The following DLL1 variants were observed in gnomAD, a reference collection of about 807,000 sequenced individuals.
DLL1 encodes the protein delta-like protein 1.
Under a neutral mutation model 75.1 loss-of-function variants are expected in DLL1, and 9 were observed. That is an observed-to-expected ratio of 0.12 (90% CI 0.07 to 0.21). DLL1 has a LOEUF of 0.21. Among genes scored for constraint, DLL1 ranks in the 10% least tolerant of loss-of-function variants. The pLI, the probability that DLL1 is intolerant of heterozygous loss-of-function variation, is 1.00. For missense variants in DLL1, 837 were observed against 1,007.6 expected, an observed-to-expected ratio of 0.83 and a Z score of 2.29; for synonymous variants, 477 against 418.3, an observed-to-expected ratio of 1.14 and a Z score of -1.71.
Position 170,290,905 on chromosome 6 carries a change from T to C in DLL1, c.-766A>G. On this transcript the variant is annotated 5_prime_UTR_variant, in exon 1 of 11. Coordinates refer to ENST00000366756, the MANE Select transcript of DLL1 (RefSeq NM_005618.4). This position sits in a 1 kb window ranked among gnomAD's most constrained non-coding sequence, Gnocchi z 4.7. ...GCTCTGCCCTCGGCCGGGTCGGGTC[T>C]CCGCGGGTGCGCGCAGAGGATCTGG... 4.3e-6 allele frequency: 3 copies of C among 693,936 alleles called. No homozygotes were observed. The highest frequency in any genetic ancestry group is 7.9e-6 in the Non-Finnish European group (3 of 380,544). 43.0% of individuals were successfully genotyped at this position (693,936 alleles called of 1,614,324 possible).
chr6:170,286,794 C>G (rs1461529315), intron 4 of DLL1, among the ~76,000 whole-genome samples: 1 of 147,610 alleles, frequency 6.8e-6, no homozygotes, highest in Non-Finnish European at 1.5e-5. Flanking sequence ...ACACACACCC[C>G]TCGCGTGTAC....
At chr6:170,289,359 T>C (rs1408774367) in intron 2 of DLL1, 153 bp downstream of exon 2, 2 of 1,266,408 alleles carry the variant, frequency 1.6e-6, no homozygotes, top group Non-Finnish European at 2.2e-6. Flanking sequence ...TGGGCTGGAG[T>C]CCTGGGGCCG....
At position 170,283,108 on chromosome 6, in the gene DLL1, A is replaced by G. The variant is rs768758068; in HGVS notation, c.2049-3T>C. 5.0e-6 allele frequency: 8 copies of G among 1,613,904 alleles called. No individual in the cohort carries two copies. The highest frequency in any genetic ancestry group is 6.8e-6 in the Non-Finnish European group (8 of 1,179,938). On this transcript the variant is annotated splice_region_variant and splice_polypyrimidine_tract_variant and intron_variant, in intron 9 of 10. Transcript: ENST00000366756. ...TTTTTCTTTCAGATGCTTCTCCACT[A>G]AAAGGAAAATAGAGAAAATCCACAA...
intron 2 of DLL1, chr6:170,289,044 T>C (rs1783775209): frequency 1.3e-5 from 8 of 606,132 alleles, no homozygotes; most frequent in Non-Finnish European, 2.0e-5. Flanking sequence ...GTTGTTTTTT[T>C]AATTAGAGAG....
rs371424957 is a variant in DLL1, at chr6:170,283,401, G to C, written c.1878C>G (p.Ser626Arg). 6.2e-7 allele frequency: 1 copy of C among 1,610,242 alleles called. No homozygotes were observed. Among genetic ancestry groups the C allele is most frequent in the Non-Finnish European group, 8.5e-7 (1 of 1,179,190 alleles). Residue 626 changes from serine (S) to arginine (R), a missense_variant, in exon 9 of 11, where the codon AGC becomes AGG. By Grantham distance (110) the Ser-to-Arg change is moderately radical (BLOSUM62 -1). This residue lies in a region of DLL1 where 533 missense variants were observed against 545.7 expected (regional missense o/e 0.98). Coordinates refer to ENST00000366756, the MANE Select transcript of DLL1 (RefSeq NM_005618.4). The stretch of plus-strand genomic sequence containing the variant: ...GGGCCTTGAAGCCATTCTTGTCGGC[G>C]CTGTGGTCCCCGTGGAAGTCCGCCT... ...NKKADFHGDH[S>R]ADKNGFKARY...
At chr6:170,286,866 C>A (rs964662535) in intron 4 of DLL1, among the ~76,000 whole-genome samples, 14 of 152,208 alleles carry the variant, frequency 9.2e-5, no homozygotes, top group African/African-American at 3.1e-4. Context: ...CGGCGGGTGT[C>A]CCTGCGCCTA....
chr6:170,289,665 G>A lies in DLL1; in HGVS notation c.198C>T (p.His66=). 1 of 1,543,262 alleles carries A rather than the reference G, an allele frequency of 6.5e-7. No individual in the cohort carries two copies. Among genetic ancestry groups the A allele is most frequent in the Non-Finnish European group, 8.7e-7 (1 of 1,146,494 alleles). ...GCTCGGGGGACACGCTGGCCTGGTAGTGCTTGAGGCACACGCGGAAGAAGG... is the reference window on the plus strand; with the variant it reads ...GCTCGGGGGACACGCTGGCCTGGTAATGCTTGAGGCACACGCGGAAGAAGG... ...CRTFFRVCLK[H]YQASVSPEPP... The change falls in exon 2 of 11, where the codon CAC becomes CAT. Residue 66 remains histidine, a synonymous_variant. Transcript: ENST00000366756.
rs746754261 is a variant in DLL1 at position 170,285,288 on chromosome 6, T to A, written c.998A>T (p.Asp333Val). 5.0e-6 allele frequency: 8 copies of A among 1,613,856 alleles called. No individual in the cohort carries two copies. The highest frequency in any genetic ancestry group is 6.8e-6 in the Non-Finnish European group (8 of 1,180,006). Residue 333 changes from aspartate (D) to valine (V), a missense_variant, in exon 7 of 11, where the codon GAC becomes GTC. Asp to Val is a radical substitution (Grantham distance 152). Around this residue, in one of 2 missense-constraint regions of DLL1, gnomAD observed 304 missense variants for 461.9 expected, o/e 0.66. Transcript: ENST00000366756. ...ATCELGIDEC[D>V]PSPCKNGGSC... is the part of the protein sequence containing the mutation. Reference sequence around the variant, plus strand: ...CCCTCCGTTCTTACAAGGGCTGGGGTCACACTCGTCAATCCCCAGCTCGCA... The same window carrying A: ...CCCTCCGTTCTTACAAGGGCTGGGGACACACTCGTCAATCCCCAGCTCGCA...
In DLL1 at chr6:170,290,392, G is replaced by A; in HGVS notation, c.-253C>T. 1 of 425,270 alleles carries A rather than the reference G, an allele frequency of 2.4e-6. No homozygotes were observed. The highest frequency in any genetic ancestry group is 4.1e-6 in the Non-Finnish European group (1 of 243,426). The allele number at this position is 425,270 out of a possible 1,614,324, so 26.3% of individuals were successfully genotyped here. A position where few individuals can be genotyped will look rare whatever the true frequency, so the allele number is the denominator to read the frequency against. ...ATGCCCGAGGAAAGGCAGCTCTCGGGGGACAGCGCGGCGGCGGCGACTTTC... is the reference window on the plus strand; with the variant it reads ...ATGCCCGAGGAAAGGCAGCTCTCGGAGGACAGCGCGGCGGCGGCGACTTTC... On this transcript the variant is annotated 5_prime_UTR_variant, in exon 1 of 11. Transcript: ENST00000366756. The surrounding 1 kb of genome is among the most constrained non-coding windows in gnomAD (Gnocchi z 4.7).
intron 1 of DLL1, 49 bp from the exon 2 acceptor site, chr6:170,289,857 A>AG: frequency 6.5e-7 from 1 of 1,528,096 alleles, no homozygotes; most frequent in Non-Finnish European, 8.8e-7. Context: ...CGCCCGAGCT[A>AG]GGGGGCGTGA....
chr6:170,290,221 C>A lies in DLL1; in HGVS notation c.-82G>T. On this transcript the variant is annotated 5_prime_UTR_variant, in exon 1 of 11. Coordinates refer to ENST00000366756, the MANE Select transcript of DLL1 (RefSeq NM_005618.4). The surrounding 1 kb of genome is among the most constrained non-coding windows in gnomAD (Gnocchi z 4.7). Reference sequence around the variant, plus strand: ...GGCGGACGCGCGGGGGATCGATGGGCCACGGGGAGCGTGGGCAGAAAAGCG... The same window carrying A: ...GGCGGACGCGCGGGGGATCGATGGGACACGGGGAGCGTGGGCAGAAAAGCG... 6.5e-7 allele frequency: 1 copy of A among 1,527,580 alleles called. No homozygotes were observed. The allele number at this position is 1,527,580 out of a possible 1,614,324, so 94.6% of individuals were successfully genotyped here.
At position 170,290,450 on chromosome 6, in the gene DLL1, T is replaced by C. The variant is rs1235472876; in HGVS notation, c.-311A>G. The stretch of plus-strand genomic sequence containing the variant: ...TCCTTCCTCCCAGCCCCCGAGGAGG[T>C]GAGGGTCGCCGGCTTCCTGGTTTTG... On this transcript the variant is annotated 5_prime_UTR_variant, in exon 1 of 11. Transcript: ENST00000366756. The surrounding 1 kb of genome is among the most constrained non-coding windows in gnomAD (Gnocchi z 4.7). 2.2e-5 allele frequency: 8 copies of C among 358,374 alleles called. No individual in the cohort carries two copies. The Admixed American group carries it at 2.9e-4, about 13-fold the overall frequency. 22.2% of individuals were successfully genotyped at this position (358,374 alleles called of 1,614,324 possible). A position where few individuals can be genotyped will look rare whatever the true frequency, so the allele number is the denominator to read the frequency against.
Position 170,285,124 on chromosome 6 carries a change from G to T in DLL1, c.1044C>A (p.Asn348Lys), listed in dbSNP as rs1783668155. ...CGGGTGGGCAGGTACAGGAGTAGCT[G>T]TTCTCGAGATCCTACACGATGGAGA... is the stretch of plus-strand genomic sequence containing the variant. ...KNGGSCTDLE[N>K]SYSCTCPPGF... The change falls in exon 8 of 11, where the codon AAC (asparagine) becomes AAA (lysine). Residue 348 changes from asparagine (N) to lysine (K), a missense_variant. Transcript: ENST00000366756. 1 of 1,613,836 alleles carries T rather than the reference G, an allele frequency of 6.2e-7. No individual in the cohort carries two copies. Among genetic ancestry groups the T allele is most frequent in the Admixed American group, 1.7e-5 (1 of 60,006 alleles).
chr6:170,289,841 G>A, intron 1 of DLL1, 33 bp from the exon 2 acceptor site: 4 of 1,545,720 alleles, frequency 2.6e-6, no homozygotes, highest in Non-Finnish European at 3.5e-6. Context: ...GTGAGGACGC[G>A]GGTCCCGCCC....
At chr6:170,286,057 C>T (rs1302147970) in intron 5 of DLL1, among the ~76,000 whole-genome samples, 181 bp downstream of exon 5, 1 of 152,244 alleles carries the variant, frequency 6.6e-6, no homozygotes, top group East Asian at 1.9e-4. Context: ...AATGACAACT[C>T]CATGACCTTA....
At chr6:170,282,926 C>T (rs368136546) in intron 10 of DLL1, 47 bp from the exon 11 acceptor site, 18 of 1,614,112 alleles carry the variant, frequency 1.1e-5, no homozygotes, top group African/African-American at 6.7e-5. Context: ...GACCGATTCC[C>T]GTGCTCCAGC....
rs1486331219 is a variant in DLL1 at position 170,283,502 on chromosome 6, G to A, written c.1777C>T (p.Leu593=). ...CRGETETMNN[L]ANCQREKDIS... is the part of the protein sequence containing the mutation. Reference sequence around the variant, plus strand: ...TCCTTCTCACGCTGGCAGTTGGCCAGGTTGTTCATGGTCTCCGTCTCCCCC... The same window carrying A: ...TCCTTCTCACGCTGGCAGTTGGCCAAGTTGTTCATGGTCTCCGTCTCCCCC... The change falls in exon 9 of 11, where the codon CTG becomes TTG. Residue 593 remains leucine (L), a synonymous_variant. Transcript: ENST00000366756. 3 of 1,613,724 alleles carry A rather than the reference G, an allele frequency of 1.9e-6. No individual in the cohort carries two copies. In the East Asian group the frequency reaches 6.7e-5, roughly 36 times the overall value.
In DLL1 at chr6:170,283,991, G is replaced by T; in HGVS notation, c.1288C>A (p.Arg430Ser). The change falls in exon 9 of 11, where the codon CGC becomes AGC. Residue 430 changes from arginine (R) to serine (S), a missense_variant. This residue lies in a region of DLL1 where 533 missense variants were observed against 545.7 expected (regional missense o/e 0.98). Transcript: ENST00000366756. The part of the protein sequence containing the change: ...CVDLGDAYLC[R>S]CQAGFSGRHC... ...CTCCCCGAGAAGCCGGCCTGGCAGC[G>T]GCACAGGTAGGCATCACCGAGGTCC... 2 of 1,576,534 alleles carry T rather than the reference G, an allele frequency of 1.3e-6. No homozygotes were observed. Among genetic ancestry groups the T allele is most frequent in the Non-Finnish European group, 1.7e-6 (2 of 1,167,754 alleles).
At position 170,290,758 on chromosome 6, in the gene DLL1, C is replaced by T. The variant is rs368162978; in HGVS notation, c.-619G>A. On this transcript the variant is annotated 5_prime_UTR_variant, in exon 1 of 11. Transcript: ENST00000366756. This position sits in a 1 kb window ranked among gnomAD's most constrained non-coding sequence, Gnocchi z 4.7. ...CACTCCGGGCTCCGATCTCCGGTGT[C>T]ACAGCAAAGATCCGCGTCTTTCCGA... 39 of 473,230 alleles carry T rather than the reference C, an allele frequency of 8.2e-5. No homozygotes were observed. The East Asian group carries it at 8.9e-4, about 11-fold the overall frequency. 29.3% of individuals were successfully genotyped at this position (473,230 alleles called of 1,614,324 possible). A position where few individuals can be genotyped will look rare whatever the true frequency, so the allele number is the denominator to read the frequency against.
Sources: allele counts gnomAD v4.1 joint callset (sites outside exome capture counted in the v4.1 genomes callset), GRCh38; gene constraint gnomAD v4.1.1; regional missense constraint gnomAD v4.1.1; non-coding constraint Gnocchi (gnomAD v3.1); transcripts MANE v1.5; gene names NCBI Gene and HGNC (gene_info 2026-07-23, HGNC 2026-07-21).